SPATA17: variants seen among roughly 807,000 people sequenced by gnomAD.
SPATA17 encodes the protein spermatogenesis-associated protein 17.
SPATA17 carries 53 observed loss-of-function variants against 62.2 expected under a neutral mutation model. The ratio of observed to expected loss-of-function variants is 0.85; its 90% confidence interval spans 0.68 to 1.07. The LOEUF is 1.07. SPATA17 is among the 50% of genes least tolerant of loss of function. SPATA17 has a pLI of 0.00. For synonymous variants in SPATA17, 146 were observed against 146.8 expected, an observed-to-expected ratio of 0.99 and a Z score of 0.04; for missense variants, 466 against 425.5, an observed-to-expected ratio of 1.10 and a Z score of -0.84.
intron 9 of SPATA17, among the ~76,000 whole-genome samples, chr1:217,826,348 A>G (rs1470235362): frequency 6.6e-6 from 1 of 152,148 alleles, no homozygotes; most frequent in East Asian, 1.9e-4. Context: ...AGGCCCAAAT[A>G]TAGTCACATT....
intron 9 of SPATA17, among the ~76,000 whole-genome samples, chr1:217,808,237 G>A (rs989409443): frequency 1.3e-5 from 2 of 152,050 alleles, no homozygotes; most frequent in African/African-American, 4.8e-5. Flanking sequence ...AGGTGGGAAA[G>A]GCAAAGAGAA....
chr1:217,649,448 C>T (rs184149808), intron 2 of SPATA17, among the ~76,000 whole-genome samples: 8 of 152,250 alleles, frequency 5.3e-5, no homozygotes, highest in Non-Finnish European at 7.4e-5. Context: ...CACTGCGTTC[C>T]AGCCTGGGCA....
At position 217,801,751 on chromosome 1, in the gene SPATA17, A is replaced by G; in HGVS notation, c.906A>G (p.Glu302=). The change falls in exon 9 of 11, where the codon GAA becomes GAG. Residue 302 remains glutamate (E), a synonymous_variant. Transcript: ENST00000366933. The part of the protein sequence containing the change: ...FLPFSSYHKN[E]KYIPSMHLSS... ...CATTTTCTTCATACCATAAAAATGA[A>G]AAGTACATCCCATCAATGCATTTAT... 6.2e-7 allele frequency: 1 copy of G among 1,607,258 alleles called. No homozygotes were observed. Among genetic ancestry groups the G allele is most frequent in the Non-Finnish European group, 8.5e-7 (1 of 1,177,824 alleles).
chr1:217,729,941 T>G (rs777421099), intron 5 of SPATA17, among the ~76,000 whole-genome samples: 1 of 152,336 alleles, frequency 6.6e-6, no homozygotes, highest in South Asian at 2.1e-4. Flanking sequence ...AAGCTCATTA[T>G]GTGGGTATTT....
chr1:217,827,463 C>G (rs1213266246), intron 9 of SPATA17, among the ~76,000 whole-genome samples: 1 of 152,080 alleles, frequency 6.6e-6, no homozygotes, highest in Non-Finnish European at 1.5e-5. Context: ...TGGAAGACAA[C>G]ATGGCAATTC....
At chr1:217,710,157 T>C (rs1355491191) in intron 5 of SPATA17, among the ~76,000 whole-genome samples, 2 of 152,196 alleles carry the variant, frequency 1.3e-5, no homozygotes, top group Non-Finnish European at 2.9e-5. Flanking sequence ...GTGGTACATA[T>C]GCAAAAACGC....
chr1:217,796,312 A>G lies in SPATA17; in HGVS notation c.873-5406A>G, dbSNP rs1438309088. ...AAATAAAGTGAACTCTGCAAAATATATATCAGAAATTTGTTGCATAGATGT... is the reference window on the plus strand; with the variant it reads ...AAATAAAGTGAACTCTGCAAAATATGTATCAGAAATTTGTTGCATAGATGT... On this transcript the variant is annotated intron_variant, in intron 8 of 10. Transcript: ENST00000366933. Among the ~76,000 whole-genome samples the G allele has an allele frequency of 3.3e-5, 5 of 152,284 alleles. No homozygotes were observed. In the East Asian group the frequency reaches 9.7e-4, roughly 29 times the overall value.
At chr1:217,752,771 C>G (rs2102956946) in intron 6 of SPATA17, among the ~76,000 whole-genome samples, 1 of 152,256 alleles carries the variant, frequency 6.6e-6, no homozygotes, top group African/African-American at 2.4e-5. Flanking sequence ...TCGCTTCTCC[C>G]CCACTTCTCA....
chr1:217,849,379 C>CTACT (rs1412802789), intron 9 of SPATA17, among the ~76,000 whole-genome samples: 1 of 152,150 alleles, frequency 6.6e-6, no homozygotes, highest in African/African-American at 2.4e-5. Flanking sequence ...AAGTTTGATT[C>CTACT]TACTTGAATT....
At chr1:217,662,204 A>G (rs1208142447) in intron 3 of SPATA17, among the ~76,000 whole-genome samples, 1 of 152,162 alleles carries the variant, frequency 6.6e-6, no homozygotes, top group African/African-American at 2.4e-5. Context: ...CAGATGTGCT[A>G]CTTTTGAATC....
intron 8 of SPATA17, among the ~76,000 whole-genome samples, chr1:217,798,840 A>G (rs540087546): frequency 4.0e-5 from 6 of 151,806 alleles, no homozygotes; most frequent in South Asian, 2.1e-4. Flanking sequence ...AGGAGACAAT[A>G]TAAGCACCCT....
intron 1 of SPATA17, among the ~76,000 whole-genome samples, chr1:217,645,489 A>G (rs61828894): frequency 0.13 from 20,148 of 152,124 alleles, 1,464 homozygotes; most frequent in Non-Finnish European, 0.17. Flanking sequence ...TTGGTGGGAA[A>G]GGAGAAACAA....
At chr1:217,660,837 A>G (rs1670550331) in intron 3 of SPATA17, among the ~76,000 whole-genome samples, 1 of 152,218 alleles carries the variant, frequency 6.6e-6, no homozygotes, top group African/African-American at 2.4e-5. Context: ...TTTTTATCTC[A>G]GCAAAGCTGA....
chr1:217,651,927 C>T (rs1172952207), intron 3 of SPATA17, among the ~76,000 whole-genome samples: 1 of 152,314 alleles, frequency 6.6e-6, no homozygotes, highest in Non-Finnish European at 1.5e-5. Context: ...GTCTCATCCA[C>T]TTGTCCATGA....
chr1:217,761,648 C>T (rs1336569518), intron 6 of SPATA17, among the ~76,000 whole-genome samples: 2 of 151,682 alleles, frequency 1.3e-5, no homozygotes, highest in African/African-American at 2.4e-5. Flanking sequence ...AGGGGTAGGG[C>T]GTTAATAGAG....
intron 8 of SPATA17, among the ~76,000 whole-genome samples, chr1:217,787,078 T>A (rs764625347): frequency 6.6e-6 from 1 of 152,054 alleles, no homozygotes; most frequent in Non-Finnish European, 1.5e-5. Context: ...TCCAGCATCA[T>A]CCATATCCTA....
intron 8 of SPATA17, among the ~76,000 whole-genome samples, chr1:217,800,236 T>A (rs1031886042): frequency 7.9e-5 from 12 of 151,564 alleles, no homozygotes; most frequent in African/African-American, 2.7e-4. Context: ...TTTGATAGAT[T>A]TTATTATACT....
chr1:217,798,651 A>G (rs6604562), intron 8 of SPATA17, among the ~76,000 whole-genome samples: 68,763 of 151,978 alleles, frequency 0.45, 16,128 homozygotes, highest in East Asian at 0.63. Context: ...CCTTTGTAAT[A>G]CTGTGGCCAA....
At chr1:217,822,436 A>G (rs1407072728) in intron 9 of SPATA17, among the ~76,000 whole-genome samples, 1 of 151,168 alleles carries the variant, frequency 6.6e-6, no homozygotes, top group South Asian at 2.1e-4. Flanking sequence ...TTTTCTAATT[A>G]CTATATGAAC....
Sources: gnomAD v4.1 joint callset for allele counts (sites outside exome capture counted in the v4.1 genomes callset) on GRCh38, gnomAD v4.1.1 for gene constraint, MANE v1.5 for transcripts, NCBI Gene and HGNC (gene_info 2026-07-23, HGNC 2026-07-21) for gene names.